VWA8: variants seen among roughly 807,000 people sequenced by gnomAD.
VWA8 encodes von Willebrand factor A domain-containing protein 8.
VWA8 carries 221 observed loss-of-function variants against 241.5 expected under a neutral mutation model. The observed-to-expected ratio is 0.91, with a 90% CI of 0.82 to 1.02. The LOEUF (loss-of-function observed/expected upper bound fraction) is 1.02, where lower values mean the gene tolerates loss of function less well. Among genes scored for constraint, VWA8 ranks in the 50% least tolerant of loss-of-function variants. The pLI, the probability that VWA8 is intolerant of heterozygous loss-of-function variation, is 0.00. For missense variants in VWA8, 2,322 were observed against 2,328.7 expected, an observed-to-expected ratio of 1.00 and a Z score of 0.06; for synonymous variants, 852 against 827.1, an observed-to-expected ratio of 1.03 and a Z score of -0.52.
At chr13:41,735,668 G>C (rs1048525203) in intron 21 of VWA8, among the ~76,000 whole-genome samples, 1 of 152,090 alleles carries the variant, frequency 6.6e-6, no homozygotes, top group Non-Finnish European at 1.5e-5. Flanking sequence ...TAAGAAATTA[G>C]TAGGTTTATG....
intron 20 of VWA8, among the ~76,000 whole-genome samples, chr13:41,762,034 T>G (rs1279467805): frequency 6.6e-6 from 1 of 152,116 alleles, no homozygotes; most frequent in Non-Finnish European, 1.5e-5. Flanking sequence ...TGAGCATCCC[T>G]AATCCAAAAA....
intron 24 of VWA8, among the ~76,000 whole-genome samples, chr13:41,724,207 G>C (rs2045414116): frequency 6.6e-6 from 1 of 152,172 alleles, no homozygotes; most frequent in Non-Finnish European, 1.5e-5. Context: ...GGAGTAATGG[G>C]AGCAAAAATC....
intron 2 of VWA8, 144 bp from the exon 3 acceptor site, chr13:41,912,312 A>T: frequency 3.5e-6 from 2 of 573,120 alleles, no homozygotes; most frequent in Non-Finnish European, 5.0e-6. Context: ...TATGTATATA[A>T]ATATATATAA....
At chr13:41,959,468 A>C (rs1878490648) in intron 1 of VWA8, among the ~76,000 whole-genome samples, 1 of 148,406 alleles carries the variant, frequency 6.7e-6, no homozygotes, top group Admixed American at 6.8e-5. Context: ...TAAACAGCCC[A>C]GAAGTGAGAG....
chr13:41,800,648 C>G (rs1186184776), intron 17 of VWA8, among the ~76,000 whole-genome samples: 2 of 151,682 alleles, frequency 1.3e-5, no homozygotes, highest in Non-Finnish European at 2.9e-5. Flanking sequence ...AAAAAATCAG[C>G]CGGGTGTGGT....
chr13:41,863,395 T>TTGTGTGTGTGTGTG (rs140177608), intron 12 of VWA8, among the ~76,000 whole-genome samples: 3 of 90,044 alleles, frequency 3.3e-5, no homozygotes, highest in Non-Finnish European at 7.0e-5. Flanking sequence ...TATCTCCTAT[T>TTGTGTGTGTGTGTG]TGTGTGTGTG....
chr13:41,743,126 G>A (rs1238707354), intron 21 of VWA8, among the ~76,000 whole-genome samples: 1 of 152,196 alleles, frequency 6.6e-6, no homozygotes, highest in East Asian at 1.9e-4. Flanking sequence ...AAGCATACGT[G>A]GGAGAGAAAG....
At chr13:41,810,869 T>G (rs1057391315) in intron 17 of VWA8, among the ~76,000 whole-genome samples, 2 of 152,160 alleles carry the variant, frequency 1.3e-5, no homozygotes, top group African/African-American at 4.8e-5. Flanking sequence ...AAGTATCTCA[T>G]GTACCCCATA....
intron 19 of VWA8, among the ~76,000 whole-genome samples, chr13:41,782,874 T>A (rs540254502): frequency 6.6e-6 from 1 of 151,926 alleles, no homozygotes; most frequent in East Asian, 1.9e-4. Flanking sequence ...ACATCTACAA[T>A]AAAGCTTTCT....
intron 12 of VWA8, among the ~76,000 whole-genome samples, chr13:41,836,635 AT>A (rs1871743453): frequency 6.6e-6 from 1 of 152,204 alleles, no homozygotes; most frequent in African/African-American, 2.4e-5. Context: ...AGTATTTTTT[AT>A]CTTATTAATT....
At chr13:41,627,967 T>C (rs1428773741) in intron 37 of VWA8, among the ~76,000 whole-genome samples, 1 of 152,152 alleles carries the variant, frequency 6.6e-6, no homozygotes, top group Non-Finnish European at 1.5e-5. Context: ...ATTCACACTT[T>C]AGCTATAACA....
intron 26 of VWA8, among the ~76,000 whole-genome samples, chr13:41,708,801 T>C (rs2045298814): frequency 6.6e-6 from 1 of 152,180 alleles, no homozygotes; most frequent in African/African-American, 2.4e-5. Flanking sequence ...AATGACACTG[T>C]AGTTTAGTGC....
intron 37 of VWA8, among the ~76,000 whole-genome samples, chr13:41,660,414 C>A (rs2044941445): frequency 6.6e-6 from 1 of 152,170 alleles, no homozygotes; most frequent in African/African-American, 2.4e-5. Flanking sequence ...CCGTGCCTGG[C>A]CAGATGATCA....
intron 9 of VWA8, among the ~76,000 whole-genome samples, chr13:41,868,726 A>G (rs1373999819): frequency 6.6e-6 from 1 of 151,888 alleles, no homozygotes; most frequent in Non-Finnish European, 1.5e-5. Flanking sequence ...TCTACTAAAA[A>G]ATAGAAAAAA....
chr13:41,622,476 A>C (rs2044663618), intron 37 of VWA8, among the ~76,000 whole-genome samples: 1 of 152,336 alleles, frequency 6.6e-6, no homozygotes, highest in Middle Eastern at 3.4e-3. Context: ...AACACTACTG[A>C]ATTCACTTAA....
intron 2 of VWA8, among the ~76,000 whole-genome samples, chr13:41,914,171 C>T (rs560281173): frequency 7.2e-5 from 11 of 152,016 alleles, no homozygotes; most frequent in Admixed American, 2.0e-4. Context: ...CCAGCCTGGG[C>T]GACAAAGTGA....
intron 37 of VWA8, among the ~76,000 whole-genome samples, chr13:41,655,125 C>T (rs560877358): frequency 2.0e-5 from 3 of 149,120 alleles, no homozygotes; most frequent in African/African-American, 5.0e-5. Flanking sequence ...GAGTCTCGCT[C>T]GTGGCCCAAG....
At chr13:41,838,634 A>G (rs2138012016) in intron 12 of VWA8, among the ~76,000 whole-genome samples, 1 of 152,316 alleles carries the variant, frequency 6.6e-6, no homozygotes, top group South Asian at 2.1e-4. Flanking sequence ...GTGGACAAGG[A>G]AAACTAAACA....
intron 2 of VWA8, among the ~76,000 whole-genome samples, chr13:41,939,288 C>T (rs1349931500): frequency 6.6e-6 from 1 of 152,206 alleles, no homozygotes; most frequent in African/African-American, 2.4e-5. Flanking sequence ...TATAGTTTAA[C>T]TTCAAGCACA....
Sources: allele counts gnomAD v4.1 joint callset (sites outside exome capture counted in the v4.1 genomes callset), GRCh38; gene constraint gnomAD v4.1.1; transcripts MANE v1.5; gene names NCBI Gene and HGNC (gene_info 2026-07-23, HGNC 2026-07-21).